Variants in IFIT3 observed in about 807,000 individuals in gnomAD.
The protein encoded by IFIT3 is interferon induced protein with tetratricopeptide repeats 3.
A neutral mutation model predicts 2.4 loss-of-function variants in IFIT3; 2 were observed. The ratio of observed to expected loss-of-function variants is 0.82; its 90% CI spans 0.34 to 2.60. The LOEUF is 2.60. Among genes scored for constraint, IFIT3 ranks in the 30% most tolerant of loss-of-function variants. The pLI is 0.11. For synonymous variants in IFIT3, 203 were observed against 212.1 expected (o/e 0.96, Z 0.37); for missense variants, 481 against 562.4 (o/e 0.86, Z 1.46).
At chr10:89,333,548 G>A (rs893153367) in intron 1 of IFIT3, among the ~76,000 whole-genome samples, 1 of 152,120 alleles carries the variant, frequency 6.6e-6, no homozygotes, top group African/African-American at 2.4e-5. Context: ...ATAAAGCAAA[G>A]CTTGTTTCTG....
rs151167903 is a variant in IFIT3, at chr10:89,339,661, G to A, written c.1006G>A (p.Ala336Thr). ...LNPLNAYSDL[A>T]EFLETECYQT... ...TCCTCTGAATGCATACTCCGATCTC[G>A]CTGAGTTCCTGGAGACGGAATGTTA... The change falls in exon 2 of 2, where the codon GCT (alanine) becomes ACT (threonine). Residue 336 changes from alanine to threonine, a missense_variant. Ala to Thr is a moderately conservative substitution (Grantham distance 58). Coordinates refer to ENST00000371818, the MANE Select transcript of IFIT3 (RefSeq NM_001549.6). 1.2e-5 allele frequency: 19 copies of A among 1,614,044 alleles called. No homozygotes were observed. Among genetic ancestry groups the A allele is most frequent in the African/African-American group, 4.0e-5 (3 of 74,936 alleles).
chr10:89,331,320 C>T (rs574179583), intron 1 of IFIT3, among the ~76,000 whole-genome samples: 11 of 152,182 alleles, frequency 7.2e-5, no homozygotes, highest in East Asian at 5.8e-4. Context: ...TATAGGAGCA[C>T]GCCACTATGC....
intron 1 of IFIT3, among the ~76,000 whole-genome samples, chr10:89,333,016 G>T (rs1254475444): frequency 6.6e-6 from 1 of 152,230 alleles, no homozygotes; most frequent in Non-Finnish European, 1.5e-5. Flanking sequence ...TGTTGTGACT[G>T]TGGTTATTTT....
intron 1 of IFIT3, among the ~76,000 whole-genome samples, chr10:89,334,708 G>C (rs1843707945): frequency 6.6e-6 from 1 of 150,956 alleles, no homozygotes; most frequent in Non-Finnish European, 1.5e-5. Flanking sequence ...GGCCAGGCTA[G>C]TCTCGAACTC....
Position 89,337,714 on chromosome 10 carries a change from C to T in IFIT3, c.6-947C>T, listed in dbSNP as rs117665253. ...ATTCCTGGCTGACTTGGTAATTGAG[C>T]AGCGTGAGAGAGATCTCATTTCCTG... On this transcript the variant is annotated intron_variant, in intron 1 of 1. Transcript: ENST00000371818. Among the ~76,000 whole-genome samples, 875 of 152,316 alleles carry T rather than the reference C, an allele frequency of 5.7e-3. 3 individuals carry two copies. The highest frequency in any genetic ancestry group is 0.027 in the Middle Eastern group (8 of 294).
chr10:89,339,693 A>G lies in IFIT3; in HGVS notation c.1038A>G (p.Thr346=). 1.2e-6 allele frequency: 2 copies of G among 1,614,210 alleles called. No individual in the cohort carries two copies. The highest frequency in any genetic ancestry group is 1.7e-6 in the Non-Finnish European group (2 of 1,180,022). Residue 346 remains threonine (T), a synonymous_variant, in exon 2 of 2, where the codon ACA becomes ACG. Coordinates refer to ENST00000371818, the MANE Select transcript of IFIT3 (RefSeq NM_001549.6). ...AEFLETECYQ[T]PFNKEVPDAE... is the part of the protein sequence containing the mutation. ...TCCTGGAGACGGAATGTTATCAGACACCATTCAATAAGGAAGTCCCTGATG... is the reference window on the plus strand; with the variant it reads ...TCCTGGAGACGGAATGTTATCAGACGCCATTCAATAAGGAAGTCCCTGATG...
At position 89,339,456 on chromosome 10, in the gene IFIT3, G is replaced by T. The variant is rs771555537; in HGVS notation, c.801G>T (p.Val267=). The T allele has an allele frequency of 2.5e-6, 4 of 1,614,080 alleles. No individual in the cohort carries two copies. The highest frequency in any genetic ancestry group is 2.5e-6 in the Non-Finnish European group (3 of 1,180,026). The change falls in exon 2 of 2, where the codon GTG becomes GTT. Residue 267 remains valine, a synonymous_variant. Coordinates refer to ENST00000371818, the MANE Select transcript of IFIT3 (RefSeq NM_001549.6). ...AAGCTATTGAACTGTTTCAACGGGT[G>T]TTGGAATCCACACCAAACAATGGCT... ...LDKAIELFQR[V]LESTPNNGYL... is the part of the protein sequence containing the mutation.
chr10:89,332,018 G>A (rs1167614385), intron 1 of IFIT3, among the ~76,000 whole-genome samples: 2 of 151,888 alleles, frequency 1.3e-5, no homozygotes, highest in Non-Finnish European at 2.9e-5. Flanking sequence ...AGATCATGAG[G>A]TCAGGAGTTC....
rs529095909 is a variant in IFIT3, at chr10:89,328,182, G to T, written c.5+104G>T. The T allele has an allele frequency of 4.2e-5, 47 of 1,109,004 alleles. No homozygotes were observed. The African/African-American group carries it at 7.0e-4, about 16-fold the overall frequency. 68.7% of individuals were successfully genotyped at this position (1,109,004 alleles called of 1,614,324 possible). A position where few individuals can be genotyped will look rare whatever the true frequency, so the allele number is the denominator to read the frequency against. On this transcript the variant is annotated intron_variant, in intron 1 of 1. Transcript: ENST00000371818. ...TTCCTGAATTGTCCTGATGTTTATAGATTCAATATGTCTTTATCAGTCTGA... is the reference window on the plus strand; with the variant it reads ...TTCCTGAATTGTCCTGATGTTTATATATTCAATATGTCTTTATCAGTCTGA...
chr10:89,340,034 C>T lies in IFIT3; in HGVS notation c.1379C>T (p.Ala460Val), dbSNP rs1226560149. 6.2e-7 allele frequency: 1 copy of T among 1,614,206 alleles called. No homozygotes were observed. The highest frequency in any genetic ancestry group is 8.5e-7 in the Non-Finnish European group (1 of 1,180,024). The change falls in exon 2 of 2, where the codon GCA becomes GTA. Residue 460 changes from alanine to valine, a missense_variant. Transcript: ENST00000371818. ...GGCATAGGCAGTATTTTCCTGTCAG[C>T]ATCTGAGCTTGAGGATGGTAGTGAG... ...PSGIGSIFLS[A>V]SELEDGSEEM...
At chr10:89,335,092 T>C (rs1316795465) in intron 1 of IFIT3, among the ~76,000 whole-genome samples, 1 of 152,210 alleles carries the variant, frequency 6.6e-6, no homozygotes, top group African/African-American at 2.4e-5. Context: ...CTCCAAATTT[T>C]ACTTCAAGGA....
Position 89,338,908 on chromosome 10 carries a change from C to A in IFIT3, c.253C>A (p.His85Asn). 1 of 1,614,186 alleles carries A rather than the reference C, an allele frequency of 6.2e-7. No homozygotes were observed. Among genetic ancestry groups the A allele is most frequent in the Non-Finnish European group, 8.5e-7 (1 of 1,180,020 alleles). ...AGCTGAAGAGTTAATCCAGCAAGAA[C>A]ATGCTGACCAAGCAGAAATCAGAAG... ...RQAEELIQQE[H>N]ADQAEIRSLV... The change falls in exon 2 of 2, where the codon CAT (histidine) becomes AAT (asparagine). Residue 85 changes from histidine to asparagine, a missense_variant. Transcript: ENST00000371818.
chr10:89,336,844 G>A (rs12250332), intron 1 of IFIT3, among the ~76,000 whole-genome samples: 45 of 152,272 alleles, frequency 3.0e-4, no homozygotes, highest in African/African-American at 6.7e-4. Flanking sequence ...TTATGGTGCC[G>A]TGACTCCACT....
Position 89,340,238 on chromosome 10 carries a change from C to A in IFIT3, c.*110C>A. The A allele has an allele frequency of 8.7e-7, 1 of 1,153,872 alleles. No individual in the cohort carries two copies. Among genetic ancestry groups the A allele is most frequent in the Non-Finnish European group, 1.2e-6 (1 of 832,884 alleles). The allele number at this position is 1,153,872 out of a possible 1,614,324, so 71.5% of individuals were successfully genotyped here. A position where few individuals can be genotyped will look rare whatever the true frequency, so the allele number is the denominator to read the frequency against. On this transcript the variant is annotated 3_prime_UTR_variant, in exon 2 of 2. Coordinates refer to ENST00000371818, the MANE Select transcript of IFIT3 (RefSeq NM_001549.6). ...GGGATTGCTGAGCAGGGAAGCTTTG[C>A]ATGTTGCTCTAAGGTACATTTTTAA...
chr10:89,337,538 T>C (rs1843762604), intron 1 of IFIT3, among the ~76,000 whole-genome samples: 1 of 152,226 alleles, frequency 6.6e-6, no homozygotes, highest in African/African-American at 2.4e-5. Flanking sequence ...TGGCGAGGAC[T>C]ACAGGCATGT....
At chr10:89,336,745 T>C (rs192759556) in intron 1 of IFIT3, among the ~76,000 whole-genome samples, 175 of 150,734 alleles carry the variant, frequency 1.2e-3, no homozygotes, top group South Asian at 2.7e-3. Flanking sequence ...CCTATTTGGT[T>C]CATAACTTTT....
chr10:89,339,826 A>G lies in IFIT3; in HGVS notation c.1171A>G (p.Lys391Glu). ...HGLEGLSISK[K>E]STDKEEIKDQ... ...TTTAGAGGGTTTGTCCATAAGCAAAAAATCAACTGACAAGGAAGAGATCAA... is the reference window on the plus strand; with the variant it reads ...TTTAGAGGGTTTGTCCATAAGCAAAGAATCAACTGACAAGGAAGAGATCAA... The change falls in exon 2 of 2, where the codon AAA (lysine) becomes GAA (glutamate). Residue 391 changes from lysine (K) to glutamate (E), a missense_variant. By Grantham distance (56) the Lys-to-Glu change is moderately conservative (BLOSUM62 1). Coordinates refer to ENST00000371818, the MANE Select transcript of IFIT3 (RefSeq NM_001549.6). 6.2e-7 allele frequency: 1 copy of G among 1,614,224 alleles called. No homozygotes were observed.
intron 1 of IFIT3, chr10:89,332,357 C>T: frequency 1.4e-6 from 1 of 713,422 alleles, no homozygotes; most frequent in Non-Finnish European, 2.1e-6. Context: ...TGCCTTTTTA[C>T]AACTTTCAAA....
intron 1 of IFIT3, among the ~76,000 whole-genome samples, chr10:89,328,353 T>A (rs1226056501): frequency 6.6e-6 from 1 of 152,208 alleles, no homozygotes; most frequent in Non-Finnish European, 1.5e-5. Flanking sequence ...CCTCCCTGTG[T>A]GCAGCTATTT....
Sources: gnomAD v4.1 joint callset for allele counts (sites outside exome capture counted in the v4.1 genomes callset) on GRCh38, gnomAD v4.1.1 for gene constraint, MANE v1.5 for transcripts, NCBI Gene and HGNC (gene_info 2026-07-23, HGNC 2026-07-21) for gene names.